The following ROBO2 variants were observed in gnomAD, a reference collection of about 807,000 sequenced individuals.
ROBO2 encodes the protein roundabout homolog 2.
In ROBO2, 53 loss-of-function variants were observed where a neutral mutation model predicts 160.8. The ratio of observed to expected loss-of-function variants is 0.33; its 90% CI spans 0.26 to 0.41. The LOEUF is 0.41. Among genes scored for constraint, ROBO2 ranks in the 10% least tolerant of loss-of-function variants. The pLI is 1.00. For synonymous variants in ROBO2, 664 were observed against 611.7 expected (o/e 1.09, Z -1.26); for missense variants, 1,577 against 1,722.4 (o/e 0.92, Z 1.49).
intron 2 of ROBO2, among the ~76,000 whole-genome samples, chr3:76,785,438 G>A (rs1422946123): frequency 6.6e-6 from 1 of 151,100 alleles, no homozygotes; most frequent in Non-Finnish European, 1.5e-5. Context: ...AAAGTATAGT[G>A]GTATGCTAAT....
In ROBO2 at chr3:75,911,828, T is replaced by C. The variant is rs566133221; in HGVS notation, c.-14+4868T>C. Among the ~76,000 whole-genome samples, 3 of 152,162 alleles carry C rather than the reference T, an allele frequency of 2.0e-5. No homozygotes were observed. The South Asian group carries it at 6.2e-4, about 32-fold the overall frequency. ...GTCTCGGCCTCCCAAAGTGCTGGGA[T>C]TACAGGCGTGAGCCACCGCGCCCTG... On this transcript the variant is annotated intron_variant, in intron 1 of 26. Transcript: ENST00000487694.
At chr3:76,089,413 A>G (rs1230351312) in intron 2 of ROBO2, among the ~76,000 whole-genome samples, 1 of 152,096 alleles carries the variant, frequency 6.6e-6, no homozygotes, top group East Asian at 1.9e-4. Context: ...CTCTCAGGAA[A>G]ATAGCTGCAG....
intron 2 of ROBO2, among the ~76,000 whole-genome samples, chr3:77,287,786 C>T (rs1371764879): frequency 6.6e-6 from 1 of 152,122 alleles, no homozygotes; most frequent in East Asian, 1.9e-4. Context: ...TTGTACTCCA[C>T]ATGTTCAGAA....
intron 2 of ROBO2, among the ~76,000 whole-genome samples, chr3:76,764,335 T>C (rs552936149): frequency 1.3e-5 from 2 of 151,888 alleles, no homozygotes; most frequent in South Asian, 4.1e-4. Context: ...TGTTTAAACA[T>C]GCTTCCTTTC....
intron 2 of ROBO2, among the ~76,000 whole-genome samples, chr3:77,247,144 T>C (rs754616825): frequency 6.6e-6 from 1 of 152,242 alleles, no homozygotes; most frequent in Non-Finnish European, 1.5e-5. Flanking sequence ...CTGAATTCTT[T>C]AGTCCATGTC....
intron 2 of ROBO2, among the ~76,000 whole-genome samples, chr3:76,655,290 G>A (rs2109955861): frequency 6.7e-6 from 1 of 149,088 alleles, no homozygotes; most frequent in South Asian, 2.1e-4. Flanking sequence ...ATGAATTATG[G>A]CTAAACACAA....
intron 2 of ROBO2, among the ~76,000 whole-genome samples, chr3:76,948,910 T>A (rs911419473): frequency 0.013 from 250 of 19,372 alleles, no homozygotes; most frequent in Middle Eastern, 0.05. Context: ...ATATATATAT[T>A]TTTTTTTTTT....
At chr3:76,744,062 A>G (rs983906080) in intron 2 of ROBO2, among the ~76,000 whole-genome samples, 4 of 152,172 alleles carry the variant, frequency 2.6e-5, no homozygotes, top group African/African-American at 4.8e-5. Context: ...TATGAAAACA[A>G]CATCAGCAGA....
chr3:76,340,543 G>T lies in ROBO2; in HGVS notation c.109+402941G>T, dbSNP rs1260256145. Among the ~76,000 whole-genome samples, 6 of 152,264 alleles carry T rather than the reference G, an allele frequency of 3.9e-5. No homozygotes were observed. In the East Asian group the frequency reaches 1.2e-3, roughly 29 times the overall value. On this transcript the variant is annotated intron_variant, in intron 2 of 26. Transcript: ENST00000487694. Reference sequence around the variant, plus strand: ...ATTTATACTGCTTTACAGCATATGTGATTTAAAGCTAATGGTGTATCTCAA... The same window carrying T: ...ATTTATACTGCTTTACAGCATATGTTATTTAAAGCTAATGGTGTATCTCAA...
intron 2 of ROBO2, among the ~76,000 whole-genome samples, chr3:77,151,560 C>G (rs1013648469): frequency 1.3e-5 from 2 of 152,132 alleles, no homozygotes; most frequent in African/African-American, 4.8e-5. Flanking sequence ...TGTGGACAGA[C>G]AGCTTTCTGT....
chr3:76,532,455 A>C (rs2082279952), intron 2 of ROBO2, among the ~76,000 whole-genome samples: 1 of 152,162 alleles, frequency 6.6e-6, no homozygotes, highest in Non-Finnish European at 1.5e-5. Flanking sequence ...AAATGTTTCA[A>C]ACTGTCCTTT....
intron 2 of ROBO2, among the ~76,000 whole-genome samples, chr3:77,180,435 T>TATATATATATATATATATG (rs1491200828): frequency 3.1e-5 from 2 of 63,938 alleles, no homozygotes; most frequent in African/African-American, 6.7e-5. Flanking sequence ...TATATATGTA[T>TATATATATATATATATATG]TTTTTTTTTT....
intron 2 of ROBO2, among the ~76,000 whole-genome samples, chr3:76,489,084 CAAAAAAAAAAA>C (rs67454494): frequency 2.0e-4 from 12 of 60,144 alleles, no homozygotes; most frequent in African/African-American, 3.8e-4. Context: ...GACTCTGTCT[CAAAAAAAAAAA>C]AAAAAAAAAA....
chr3:77,223,895 A>G (rs62253274), intron 2 of ROBO2, among the ~76,000 whole-genome samples: 4,420 of 152,052 alleles, frequency 0.029, 69 homozygotes, highest in Middle Eastern at 0.048. Context: ...ATTGTTCTAT[A>G]AGTAGCTGCA....
chr3:77,482,908 G>C (rs2084880688), intron 4 of ROBO2, among the ~76,000 whole-genome samples: 1 of 151,926 alleles, frequency 6.6e-6, no homozygotes. Flanking sequence ...CCTTCAGAAG[G>C]AAATTGAAAG....
At chr3:77,583,942 C>T (rs895500038) in intron 16 of ROBO2, among the ~76,000 whole-genome samples, 16 of 152,160 alleles carry the variant, frequency 1.1e-4, no homozygotes, top group Non-Finnish European at 1.6e-4. Flanking sequence ...GCATGATCCT[C>T]TCCTGGGCTT....
intron 2 of ROBO2, among the ~76,000 whole-genome samples, chr3:76,586,735 T>C (rs1280783018): frequency 6.6e-6 from 1 of 152,160 alleles, no homozygotes; most frequent in Non-Finnish European, 1.5e-5. Context: ...GAGTGTTGGA[T>C]TGAAAGAAAA....
rs542690288 is a variant in ROBO2 at position 77,368,521 on chromosome 3, T to C, written c.389-108893T>C. On this transcript the variant is annotated intron_variant, in intron 2 of 25. Transcript: ENST00000461745. ...TAGAATTTCAAGGATTATGTCCTCA[T>C]TAGCTGATACTGCTCTAGATGTACT... Among the ~76,000 whole-genome samples the C allele has an allele frequency of 5.3e-5, 8 of 152,326 alleles. No individual in the cohort carries two copies. The South Asian group carries it at 1.2e-3, about 24-fold the overall frequency.
intron 2 of ROBO2, among the ~76,000 whole-genome samples, chr3:76,705,614 A>G (rs189903924): frequency 2.0e-5 from 3 of 152,242 alleles, no homozygotes; most frequent in East Asian, 3.9e-4. Flanking sequence ...AAAATGCAAA[A>G]TATTTAGGGC....
Sources: gnomAD v4.1 joint callset for allele counts (sites outside exome capture counted in the v4.1 genomes callset) on GRCh38, gnomAD v4.1.1 for gene constraint, MANE v1.5 for transcripts, NCBI Gene and HGNC (gene_info 2026-07-23, HGNC 2026-07-21) for gene names.